ANO1: variants seen among roughly 807,000 people sequenced by gnomAD.
ANO1 encodes the protein anoctamin-1.
ANO1 carries 59 observed loss-of-function variants against 124.0 expected under a neutral mutation model. That is an observed-to-expected ratio of 0.48 (90% CI 0.39 to 0.59). The LOEUF is 0.59. ANO1 is among the 20% of genes least tolerant of loss of function. ANO1 has a pLI of 0.00. For synonymous variants in ANO1, 529 were observed against 532.0 expected (o/e 0.99, Z 0.08); for missense variants, 1,059 against 1,328.0 (o/e 0.80, Z 3.15).
Position 70,116,461 on chromosome 11 carries a change from G to C in ANO1, c.859G>C (p.Asp287His), listed in dbSNP as rs1376602762. The part of the protein sequence containing the change: ...YAAAYPLHDG[D>H]YNGENVEFND... ...CCCTTTCCTCTTTTTTTAACAGGGA[G>C]ACTACAACGGTGAAAACGTCGAGTT... Residue 287 changes from aspartate to histidine, a missense_variant, in exon 8 of 26, where the codon GAC becomes CAC. This residue lies in a region of ANO1 where 809 missense variants were observed against 1,094.9 expected (regional missense o/e 0.74). Transcript: ENST00000355303. The C allele has an allele frequency of 6.3e-7, 1 of 1,598,734 alleles. No homozygotes were observed. The highest frequency in any genetic ancestry group is 2.3e-5 in the East Asian group (1 of 44,350).
At chr11:70,106,359 A>G (rs1286582656) in intron 5 of ANO1, among the ~76,000 whole-genome samples, 1 of 152,206 alleles carries the variant, frequency 6.6e-6, no homozygotes, top group Non-Finnish European at 1.5e-5. Context: ...CCCAACTTCT[A>G]TCTAAACAAG....
chr11:70,145,943 C>CAA (rs10589426), intron 11 of ANO1, among the ~76,000 whole-genome samples: 30 of 108,642 alleles, frequency 2.8e-4, no homozygotes, highest in South Asian at 1.1e-3. Context: ...TCTCAAAAAA[C>CAA]AAAAAAAAAA....
At chr11:70,178,644 A>G (rs1245662111) in intron 22 of ANO1, among the ~76,000 whole-genome samples, 2 of 150,988 alleles carry the variant, frequency 1.3e-5, no homozygotes, top group Admixed American at 1.3e-4. Context: ...GCTCCCCATA[A>G]CCTCCGCCTC....
chr11:70,019,468 TC>T (rs1371365533), intron 1 of ANO1, among the ~76,000 whole-genome samples: 1 of 152,006 alleles, frequency 6.6e-6, no homozygotes, highest in Non-Finnish European at 1.5e-5. Context: ...GTCCAGGTTT[TC>T]CCCCAGTGCC....
chr11:70,099,855 A>C (rs1352152506), intron 2 of ANO1, among the ~76,000 whole-genome samples: 4 of 152,200 alleles, frequency 2.6e-5, no homozygotes, highest in Non-Finnish European at 5.9e-5. Context: ...GGGGCAGGGC[A>C]GGATTCCAGC....
chr11:70,005,695 T>C (rs927911881), intron 1 of ANO1, among the ~76,000 whole-genome samples: 5 of 152,166 alleles, frequency 3.3e-5, no homozygotes, highest in Admixed American at 6.5e-5. Context: ...ATCCAATGAG[T>C]TTACCAGCTC....
chr11:69,996,341 A>C (rs571788405), intron 1 of ANO1, among the ~76,000 whole-genome samples: 1 of 152,158 alleles, frequency 6.6e-6, no homozygotes, highest in African/African-American at 2.4e-5. Flanking sequence ...AAGAAGAAAA[A>C]CAATTTAAAA....
chr11:70,065,314 CA>C (rs1555008372), intron 1 of ANO1: 2 of 152,264 alleles, frequency 1.3e-5, no homozygotes, highest in Non-Finnish European at 2.9e-5. Flanking sequence ...ATTCAACCAT[CA>C]TTAGAGGAGG....
Position 70,187,938 on chromosome 11 carries a change from C to G in ANO1, c.2895C>G (p.Thr965=). The G allele has an allele frequency of 1.3e-6, 2 of 1,582,190 alleles. No homozygotes were observed. Among genetic ancestry groups the G allele is most frequent in the Non-Finnish European group, 1.7e-6 (2 of 1,165,166 alleles). The part of the protein sequence containing the change: ...KDEPPCNHHN[T]KACPDSLGSP... ...AGCCGCCGTGCAACCACCACAACAC[C>G]AAAGCCTGCCCAGACAGCCTCGGCA... The change falls in exon 26 of 26, where the codon ACC becomes ACG. Residue 965 remains threonine (T), a synonymous_variant. Coordinates refer to ENST00000355303, the MANE Select transcript of ANO1 (RefSeq NM_018043.7).
chr11:70,152,576 G>A, intron 13 of ANO1, 115 bp downstream of exon 13: 1 of 1,272,212 alleles, frequency 7.9e-7, no homozygotes, highest in Non-Finnish European at 1.1e-6. Context: ...CCTCCACGCG[G>A]GTGGGGTCTC....
intron 9 of ANO1, among the ~76,000 whole-genome samples, chr11:70,125,571 A>G (rs10792911): frequency 0.85 from 128,514 of 150,554 alleles, 54,951 homozygotes; most frequent in Middle Eastern, 0.9. Flanking sequence ...GAGGCTGGGC[A>G]CGGTGGCTCA....
intron 10 of ANO1, among the ~76,000 whole-genome samples, chr11:70,130,376 G>A (rs1033318459): frequency 1.3e-5 from 2 of 152,182 alleles, no homozygotes; most frequent in African/African-American, 2.4e-5. Flanking sequence ...AGCCCCCCAT[G>A]GCCCTTGAGC....
At chr11:70,017,842 C>T (rs190386954) in intron 1 of ANO1, among the ~76,000 whole-genome samples, 1 of 152,000 alleles carries the variant, frequency 6.6e-6, no homozygotes, top group East Asian at 1.9e-4. Flanking sequence ...TTTAATGAAG[C>T]CTTTTACACA....
Position 70,111,759 on chromosome 11 carries a change from C to T in ANO1, c.852C>T (p.His284=), listed in dbSNP as rs761111755. The T allele has an allele frequency of 1.9e-5, 30 of 1,613,998 alleles. No individual in the cohort carries two copies. Among genetic ancestry groups the T allele is most frequent in the South Asian group, 3.3e-5 (3 of 91,088 alleles). Residue 284 remains histidine, a synonymous_variant, in exon 7 of 26, where the codon CAC becomes CAT. Coordinates refer to ENST00000355303, the MANE Select transcript of ANO1 (RefSeq NM_018043.7). ...TGTACGCGGCTGCATACCCACTGCA[C>T]GATGTAAGTAACCTTGACACACGAT... ...NGVYAAAYPL[H]DGDYNGENVE...
chr11:70,074,690 A>T (rs1376627689), upstream of ANO1, among the ~76,000 whole-genome samples: 2 of 152,150 alleles, frequency 1.3e-5, no homozygotes, highest in Non-Finnish European at 2.9e-5. Flanking sequence ...CCCCTGGAGG[A>T]TATTTGACAA....
At chr11:70,095,762 C>T (rs1402089618) in intron 2 of ANO1, among the ~76,000 whole-genome samples, 1 of 152,206 alleles carries the variant, frequency 6.6e-6, no homozygotes, top group East Asian at 1.9e-4. Flanking sequence ...CTCACCCCCG[C>T]CGGAGCCCCT....
intron 8 of ANO1, among the ~76,000 whole-genome samples, chr11:70,121,982 G>A (rs1227306823): frequency 8.8e-6 from 1 of 114,144 alleles, no homozygotes; most frequent in Non-Finnish European, 1.8e-5. Flanking sequence ...CTGTCTGTCT[G>A]TCTCTGTCTC....
rs1405530702 is a variant in ANO1, at chr11:70,111,192, G to GT, written c.800-514dup. Reference sequence around the variant, plus strand: ...AAAAGGCGGAAATGTGGGAAGTATGGTAAGTGTGGGCCTCCTCCGGCTTTC... The same window carrying GT: ...AAAAGGCGGAAATGTGGGAAGTATGGTTAAGTGTGGGCCTCCTCCGGCTTTC... On this transcript the variant is annotated intron_variant, in intron 6 of 25. Transcript: ENST00000355303. 3 of 458,046 alleles carry GT rather than the reference G, an allele frequency of 6.5e-6. No individual in the cohort carries two copies. In the East Asian group the frequency reaches 2.1e-4, roughly 32 times the overall value. 28.4% of individuals were successfully genotyped at this position (458,046 alleles called of 1,614,324 possible).
intron 5 of ANO1, among the ~76,000 whole-genome samples, chr11:70,106,573 C>T (rs2045559972): frequency 6.6e-6 from 1 of 152,170 alleles, no homozygotes; most frequent in Admixed American, 6.5e-5. Context: ...GGGTTCTGAG[C>T]CACTGCTGGG....
Sources: allele counts gnomAD v4.1 joint callset (sites outside exome capture counted in the v4.1 genomes callset), GRCh38; gene constraint gnomAD v4.1.1; regional missense constraint gnomAD v4.1.1; transcripts MANE v1.5; gene names NCBI Gene and HGNC (gene_info 2026-07-23, HGNC 2026-07-21).